Variants in NEDD4L observed in about 807,000 individuals in gnomAD.
NEDD4L encodes the protein NEDD4 like E3 ubiquitin protein ligase.
Under a neutral mutation model 148.9 loss-of-function variants are expected in NEDD4L, and 54 were observed. The ratio of observed to expected loss-of-function variants is 0.36; its 90% CI spans 0.29 to 0.45. The LOEUF is 0.45. NEDD4L is among the 20% of genes least tolerant of loss of function. The pLI, the probability that NEDD4L is intolerant of heterozygous loss-of-function variation, is 1.00. For synonymous variants in NEDD4L, 433 were observed against 440.7 expected (o/e 0.98, Z 0.22); for missense variants, 856 against 1,233.8 (o/e 0.69, Z 4.59).
chr18:58,197,912 C>T (rs2040910956), intron 2 of NEDD4L: 1 of 152,372 alleles, frequency 6.6e-6, no homozygotes, highest in South Asian at 2.1e-4. Context: ...GGCGCTGCCC[C>T]ACACACTCTC....
intron 2 of NEDD4L, among the ~76,000 whole-genome samples, chr18:58,238,686 C>G (rs982012439): frequency 3.9e-5 from 6 of 152,062 alleles, no homozygotes; most frequent in Admixed American, 6.6e-5. Flanking sequence ...TTACCTGCCT[C>G]TCTGATTACT....
chr18:58,394,526 G>A (rs888936899), intron 30 of NEDD4L, among the ~76,000 whole-genome samples: 1 of 152,218 alleles, frequency 6.6e-6, no homozygotes, highest in Non-Finnish European at 1.5e-5. Context: ...TCGGTGAAAG[G>A]CTCTTTTAAA....
intron 2 of NEDD4L, among the ~76,000 whole-genome samples, chr18:58,231,278 A>G (rs2045197554): frequency 6.6e-6 from 1 of 151,608 alleles, no homozygotes; most frequent in Non-Finnish European, 1.5e-5. Flanking sequence ...AAAGGAACAA[A>G]CAACAGACAC....
rs377180851 is a variant in NEDD4L at position 58,129,956 on chromosome 18, GT to G, written c.49-35829del. Among the ~76,000 whole-genome samples, 1,291 of 148,158 alleles carry G rather than the reference GT, an allele frequency of 8.7e-3. 8 individuals are homozygous for G. Among genetic ancestry groups the G allele is most frequent in the African/African-American group, 0.011 (442 of 40,064 alleles). ...TGTGGCGGTGTTGGGCTCTGTTGGG[GT>G]TTGGTTGACTGTGATCTAGTGGAAC... On this transcript the variant is annotated intron_variant, in intron 1 of 30. Coordinates refer to ENST00000400345, the MANE Select transcript of NEDD4L (RefSeq NM_001144967.3).
chr18:58,063,662 T>A (rs899237233), intron 1 of NEDD4L, among the ~76,000 whole-genome samples: 1 of 150,034 alleles, frequency 6.7e-6, no homozygotes, highest in Admixed American at 6.7e-5. Flanking sequence ...ACCTGCCGGG[T>A]TCAAGTGATT....
intron 5 of NEDD4L, among the ~76,000 whole-genome samples, chr18:58,304,164 C>T (rs909638514): frequency 3.3e-5 from 5 of 151,962 alleles, no homozygotes; most frequent in East Asian, 1.9e-4. Flanking sequence ...ACAGCCCTCA[C>T]GGAAAGAATT....
chr18:58,328,899 A>G (rs1164307631), intron 9 of NEDD4L, 96 bp from the exon 10 acceptor site: 1 of 1,381,116 alleles, frequency 7.2e-7, no homozygotes, highest in African/African-American at 1.4e-5. Context: ...CTGACACTTT[A>G]GTGGCCATCT....
intron 1 of NEDD4L, among the ~76,000 whole-genome samples, chr18:58,148,591 C>T (rs1026419379): frequency 2.0e-5 from 3 of 152,220 alleles, no homozygotes; most frequent in Admixed American, 1.3e-4. Context: ...CTTTGCCCTG[C>T]ATACATCCGA....
intron 1 of NEDD4L, among the ~76,000 whole-genome samples, chr18:58,049,565 A>G (rs1156985902): frequency 6.6e-6 from 1 of 152,198 alleles, no homozygotes; most frequent in Non-Finnish European, 1.5e-5. Context: ...TGGATGGTAG[A>G]CTGTATACCC....
chr18:58,167,167 G>T (rs778907196), intron 2 of NEDD4L, among the ~76,000 whole-genome samples: 1 of 152,184 alleles, frequency 6.6e-6, no homozygotes, highest in African/African-American at 2.4e-5. Flanking sequence ...TATGCACAGG[G>T]ACACTGACAT....
chr18:58,373,461 C>A lies in NEDD4L; in HGVS notation c.2352+192C>A, dbSNP rs151272607. On this transcript the variant is annotated intron_variant, in intron 24 of 30. Transcript: ENST00000400345. ...ACACTCCAATTACAACCATTTCTCT[C>A]TTCCAGCAAAGTTACAGAAATTCCA... 1.7e-3 allele frequency among the ~76,000 whole-genome samples: 259 copies of A among 152,334 alleles called. 2 individuals carry two copies. Among genetic ancestry groups the A allele is most frequent in the Admixed American group, 0.011 (173 of 15,306 alleles).
chr18:58,275,237 T>A (rs1376074514), intron 5 of NEDD4L, among the ~76,000 whole-genome samples: 1 of 152,246 alleles, frequency 6.6e-6, no homozygotes, highest in Non-Finnish European at 1.5e-5. Context: ...ATATATTTGC[T>A]ATTTATTAAG....
At chr18:58,186,518 T>C (rs1157243797) in intron 2 of NEDD4L, among the ~76,000 whole-genome samples, 2 of 152,198 alleles carry the variant, frequency 1.3e-5, no homozygotes, top group Non-Finnish European at 2.9e-5. Flanking sequence ...CAGATCATTC[T>C]CTCTATTCTG....
At chr18:58,268,880 T>A (rs1477690523) in intron 5 of NEDD4L, among the ~76,000 whole-genome samples, 1 of 151,926 alleles carries the variant, frequency 6.6e-6, no homozygotes, top group Non-Finnish European at 1.5e-5. Flanking sequence ...GGGAGCGTTC[T>A]ATGGGAGACA....
intron 12 of NEDD4L, 91 bp from the exon 13 acceptor site, chr18:58,335,387 C>T: frequency 3.8e-6 from 4 of 1,051,864 alleles, no homozygotes; most frequent in Non-Finnish European, 3.0e-6. Flanking sequence ...CGTCACCTGC[C>T]TTACAGCGCT....
chr18:58,328,610 T>C (rs2059521717), intron 9 of NEDD4L, among the ~76,000 whole-genome samples: 1 of 152,154 alleles, frequency 6.6e-6, no homozygotes, highest in African/African-American at 2.4e-5. Flanking sequence ...TCTAGAAGGA[T>C]TGGGACTGCC....
At chr18:58,112,488 A>G (rs1242871630) in intron 1 of NEDD4L, among the ~76,000 whole-genome samples, 2 of 151,106 alleles carry the variant, frequency 1.3e-5, no homozygotes, top group Non-Finnish European at 2.9e-5. Context: ...AGATTTTTAA[A>G]ATTTTATTAT....
At chr18:58,284,449 A>G (rs1007492426) in intron 5 of NEDD4L, among the ~76,000 whole-genome samples, 6 of 152,322 alleles carry the variant, frequency 3.9e-5, no homozygotes, top group African/African-American at 1.4e-4. Context: ...TAGCAAAATG[A>G]ATAATCTGTC....
intron 1 of NEDD4L, chr18:58,149,355 C>T (rs760876947): frequency 2.2e-5 from 31 of 1,406,172 alleles, no homozygotes; most frequent in African/African-American, 2.9e-5. Flanking sequence ...GAGGAACAAC[C>T]GTGTAGACTG....
Sources: allele counts gnomAD v4.1 joint callset (sites outside exome capture counted in the v4.1 genomes callset), GRCh38; gene constraint gnomAD v4.1.1; transcripts MANE v1.5; gene names NCBI Gene and HGNC (gene_info 2026-07-23, HGNC 2026-07-21).